Variants in NXPE2 observed in about 807,000 individuals in gnomAD.
NXPE2 encodes NXPE family member 2.
In NXPE2, 34 loss-of-function variants were observed where a neutral mutation model predicts 34.4. The ratio of observed to expected loss-of-function variants is 0.99; its 90% CI spans 0.75 to 1.31. The LOEUF is 1.31. Among genes scored for constraint, NXPE2 ranks in the 40% most tolerant of loss-of-function variants. The pLI is 0.00. For synonymous variants in NXPE2, 235 were observed against 231.3 expected, an observed-to-expected ratio of 1.02 and a Z score of -0.15; for missense variants, 649 against 672.5, an observed-to-expected ratio of 0.97 and a Z score of 0.39.
At chr11:114,522,129 C>T in the NXPE2 span, 1 of 1,614,030 alleles carries the variant, frequency 6.2e-7, no homozygotes, top group Non-Finnish European at 8.5e-7. Context: ...TGAATATAAC[C>T]ATGGAAGTCT....
At chr11:114,624,897 G>A in the NXPE2 span, among the ~76,000 whole-genome samples, 1 of 150,588 alleles carries the variant, frequency 6.6e-6, no homozygotes, top group South Asian at 2.1e-4. Flanking sequence ...GATAATAAGT[G>A]TGGCCTCATG....
the NXPE2 span, among the ~76,000 whole-genome samples, chr11:114,623,394 G>T: frequency 1.3e-5 from 2 of 151,932 alleles, no homozygotes; most frequent in African/African-American, 4.8e-5. Flanking sequence ...TAAGTATTGC[G>T]CAGTGGGTAC....
At chr11:114,600,734 A>G in the NXPE2 span, among the ~76,000 whole-genome samples, 1 of 152,058 alleles carries the variant, frequency 6.6e-6, no homozygotes, top group Non-Finnish European at 1.5e-5. Context: ...CTGTAATTTC[A>G]CTGATAGTTA....
the NXPE2 span, among the ~76,000 whole-genome samples, chr11:114,719,671 G>T: frequency 6.6e-6 from 1 of 152,254 alleles, no homozygotes; most frequent in Non-Finnish European, 1.5e-5. Context: ...AGCCTCAAGT[G>T]CTCACCTGGA....
At chr11:114,583,269 G>C in the NXPE2 span, 1 of 652,570 alleles carries the variant, frequency 1.5e-6, no homozygotes. Context: ...CAAAGGCAGG[G>C]CACCAGGAGG....
chr11:114,637,709 T>G, the NXPE2 span, among the ~76,000 whole-genome samples: 3 of 151,274 alleles, frequency 2.0e-5, no homozygotes, highest in Non-Finnish European at 4.4e-5. Flanking sequence ...ATTGTATTTC[T>G]CCTTCACTTA....
At chr11:114,735,065 G>A in the NXPE2 span, among the ~76,000 whole-genome samples, 1 of 152,146 alleles carries the variant, frequency 6.6e-6, no homozygotes, top group African/African-American at 2.4e-5. Context: ...AGCTGAGATT[G>A]CACCACTGCA....
chr11:114,538,491 C>A, the NXPE2 span, among the ~76,000 whole-genome samples: 3 of 152,102 alleles, frequency 2.0e-5, no homozygotes, highest in African/African-American at 7.2e-5. Flanking sequence ...AGTGAACAGG[C>A]AACCTACAAA....
chr11:114,623,713 GATA>G, the NXPE2 span, among the ~76,000 whole-genome samples: 4 of 152,140 alleles, frequency 2.6e-5, no homozygotes, highest in East Asian at 1.9e-4. Context: ...TTACCCGATG[GATA>G]ATAAGTATTG....
chr11:114,645,268 T>C, the NXPE2 span, among the ~76,000 whole-genome samples: 50 of 152,154 alleles, frequency 3.3e-4, no homozygotes, highest in Non-Finnish European at 6.3e-4. Context: ...GTCACTGCAC[T>C]CCAGCCTGGG....
the NXPE2 span, among the ~76,000 whole-genome samples, chr11:114,625,253 T>C: frequency 6.6e-6 from 1 of 152,206 alleles, no homozygotes; most frequent in Admixed American, 6.5e-5. Flanking sequence ...GGGTTACCAC[T>C]GTTTCCCAGT....
the NXPE2 span, among the ~76,000 whole-genome samples, chr11:114,511,758 T>C: frequency 9.9e-5 from 15 of 152,254 alleles, no homozygotes; most frequent in South Asian, 2.9e-3. Context: ...TCCCTGTGGC[T>C]TTGAGTGGTA....
the NXPE2 span, among the ~76,000 whole-genome samples, chr11:114,638,882 G>A: frequency 6.6e-6 from 1 of 150,892 alleles, no homozygotes; most frequent in Non-Finnish European, 1.5e-5. Context: ...CTACTGGGGG[G>A]TGCCTCCTAG....
chr11:114,628,688 A>C, the NXPE2 span, among the ~76,000 whole-genome samples: 4 of 27,774 alleles, frequency 1.4e-4, no homozygotes, highest in African/African-American at 6.3e-4. Flanking sequence ...AACTGAAGGA[A>C]ATAGAGACAC....
At chr11:114,617,630 AC>A in the NXPE2 span, among the ~76,000 whole-genome samples, 1 of 152,040 alleles carries the variant, frequency 6.6e-6, no homozygotes. Context: ...AACCACTGTT[AC>A]CCAATGGATA....
chr11:114,474,509 A>G, the NXPE2 span, among the ~76,000 whole-genome samples: 1 of 152,172 alleles, frequency 6.6e-6, no homozygotes. Context: ...ATTAAATGCT[A>G]TTGTCAAGTG....
At chr11:114,708,999 T>C (rs942283709), downstream of NXPE2, among the ~76,000 whole-genome samples, 2 of 152,186 alleles carry the variant, frequency 1.3e-5, no homozygotes, top group African/African-American at 4.8e-5. Context: ...ATCTCTCACC[T>C]CAACAAATTG....
chr11:114,574,766 G>T, the NXPE2 span, among the ~76,000 whole-genome samples: 1 of 152,050 alleles, frequency 6.6e-6, no homozygotes, highest in African/African-American at 2.4e-5. Flanking sequence ...GACATTCAAA[G>T]AAAAATTCAA....
At chr11:114,716,479 A>G in the NXPE2 span, among the ~76,000 whole-genome samples, 1 of 152,106 alleles carries the variant, frequency 6.6e-6, no homozygotes, top group African/African-American at 2.4e-5. Flanking sequence ...TCCCTTACTC[A>G]TCTCTGTCTT....
Sources: allele counts gnomAD v4.1 joint callset (sites outside exome capture counted in the v4.1 genomes callset), GRCh38; gene constraint gnomAD v4.1.1; transcripts MANE v1.5; gene names NCBI Gene and HGNC (gene_info 2026-07-23, HGNC 2026-07-21).